METAP1: variants seen among roughly 807,000 people sequenced by gnomAD.
METAP1 encodes the protein methionine aminopeptidase 1.
Under a neutral mutation model 53.8 loss-of-function variants are expected in METAP1, and 28 were observed. The observed-to-expected ratio is 0.52, with a 90% CI of 0.39 to 0.71. The LOEUF is 0.71. METAP1 is among the 30% of genes least tolerant of loss of function. METAP1 has a pLI of 0.00. For synonymous variants in METAP1, 181 were observed against 165.7 expected (o/e 1.09, Z -0.71); for missense variants, 389 against 479.8 (o/e 0.81, Z 1.77).
chr4:99,042,389 C>G (rs1286563013), intron 6 of METAP1, among the ~76,000 whole-genome samples: 1 of 151,454 alleles, frequency 6.6e-6, no homozygotes, highest in East Asian at 1.9e-4. Context: ...TATTGTGCAA[C>G]CATTAAAAAA....
chr4:99,029,998 T>C (rs149641340), intron 2 of METAP1, among the ~76,000 whole-genome samples: 1 of 152,174 alleles, frequency 6.6e-6, no homozygotes, highest in Non-Finnish European at 1.5e-5. Context: ...ATAGGACTTG[T>C]TGATTTGTTA....
Position 98,995,777 on chromosome 4 carries a change from G to C in METAP1, c.24G>C (p.Val8=). Reference sequence around the variant, plus strand: ...GCATGGCGGCCGTGGAGACGCGGGTGTGCGAGACAGACGGCTGCAGCAGTG... The same window carrying C: ...GCATGGCGGCCGTGGAGACGCGGGTCTGCGAGACAGACGGCTGCAGCAGTG... MAAVETR[V]CETDGCSSEA... Residue 8 remains valine, a synonymous_variant, in exon 1 of 11, where the codon GTG becomes GTC. Coordinates refer to ENST00000296411, the MANE Select transcript of METAP1 (RefSeq NM_015143.3). 1 of 1,545,914 alleles carries C rather than the reference G, an allele frequency of 6.5e-7. No individual in the cohort carries two copies. Among genetic ancestry groups the C allele is most frequent in the Non-Finnish European group, 8.7e-7 (1 of 1,144,470 alleles).
At chr4:99,045,087 C>T (rs1726125035) in intron 7 of METAP1, 92 bp from the exon 8 acceptor site, 1 of 1,308,570 alleles carries the variant, frequency 7.6e-7, no homozygotes, top group Admixed American at 2.2e-5. Context: ...TTGTCTTTTT[C>T]ATTAAGTTGC....
At chr4:99,007,700 T>G (rs1723245474) in intron 1 of METAP1, among the ~76,000 whole-genome samples, 1 of 152,194 alleles carries the variant, frequency 6.6e-6, no homozygotes, top group Admixed American at 6.5e-5. Flanking sequence ...TTGTTTTCAA[T>G]TAGGAGCTTT....
At chr4:99,027,928 T>C (rs1259141564) in intron 1 of METAP1, among the ~76,000 whole-genome samples, 1 of 148,844 alleles carries the variant, frequency 6.7e-6, no homozygotes, top group Admixed American at 6.8e-5. Flanking sequence ...TTTAGTGTAA[T>C]ATGATTTGGT....
At chr4:99,007,563 T>C (rs1723238924) in intron 1 of METAP1, among the ~76,000 whole-genome samples, 1 of 145,180 alleles carries the variant, frequency 6.9e-6, no homozygotes, top group Admixed American at 6.9e-5. Context: ...ATAGCTGATC[T>C]TTTTTTTTTT....
intron 1 of METAP1, chr4:99,025,458 A>G (rs1241619878): frequency 3.0e-6 from 3 of 984,468 alleles, no homozygotes; most frequent in African/African-American, 1.7e-5. Flanking sequence ...ATAAATAAGA[A>G]TTACCTACAT....
intron 4 of METAP1, among the ~76,000 whole-genome samples, chr4:99,037,193 A>G (rs1725484866): frequency 6.6e-6 from 1 of 151,738 alleles, no homozygotes; most frequent in Admixed American, 6.6e-5. Context: ...TTGATTTATA[A>G]ATGTTCTTAG....
At chr4:99,006,109 A>G (rs1037789430) in intron 1 of METAP1, among the ~76,000 whole-genome samples, 5 of 152,182 alleles carry the variant, frequency 3.3e-5, no homozygotes, top group Non-Finnish European at 5.9e-5. Context: ...TATTTTTGCC[A>G]GTCTGGAGTT....
chr4:99,044,673 ATTC>A lies in METAP1; in HGVS notation c.656-503_656-501del, dbSNP rs551850869. On this transcript the variant is annotated intron_variant, in intron 7 of 10. Transcript: ENST00000296411. ...AATATATAGTATAATAGTAATCTAT[ATTC>A]TTAAACATGGGGACAAAGAGAAGAA... is the stretch of plus-strand genomic sequence containing the variant. Among the ~76,000 whole-genome samples the A allele has an allele frequency of 2.7e-3, 408 of 152,104 alleles. 2 individuals carry two copies. Among genetic ancestry groups the A allele is most frequent in the African/African-American group, 9.4e-3 (390 of 41,534 alleles).
chr4:99,057,507 G>C (rs181811468), intron 9 of METAP1, among the ~76,000 whole-genome samples: 1 of 151,736 alleles, frequency 6.6e-6, no homozygotes, highest in African/African-American at 2.4e-5. Flanking sequence ...CTGAAATACA[G>C]CCTACAAATA....
chr4:98,995,958 G>A, intron 1 of METAP1, 91 bp downstream of exon 1: 1 of 1,031,440 alleles, frequency 9.7e-7, no homozygotes, highest in Non-Finnish European at 1.4e-6. Flanking sequence ...GCGGCGAGTC[G>A]GGACGCGCTC....
chr4:99,058,842 G>T (rs1727332579), intron 10 of METAP1, among the ~76,000 whole-genome samples: 1 of 152,196 alleles, frequency 6.6e-6, no homozygotes, highest in African/African-American at 2.4e-5. Context: ...TGCGTTTTCT[G>T]TAAAATGAAA....
At chr4:98,998,971 C>G (rs1722787443) in intron 1 of METAP1, among the ~76,000 whole-genome samples, 2 of 152,058 alleles carry the variant, frequency 1.3e-5, no homozygotes, top group Non-Finnish European at 2.9e-5. Flanking sequence ...CCACCACGCT[C>G]AGCTAATTTT....
At chr4:99,033,368 A>G (rs576942754) in intron 2 of METAP1, among the ~76,000 whole-genome samples, 14 of 152,272 alleles carry the variant, frequency 9.2e-5, no homozygotes, top group African/African-American at 3.4e-4. Flanking sequence ...GTTTAGGCCA[A>G]TACTTGGTCT....
chr4:99,027,971 G>A (rs954530927), intron 1 of METAP1, among the ~76,000 whole-genome samples: 3 of 151,438 alleles, frequency 2.0e-5, no homozygotes, highest in African/African-American at 7.3e-5. Flanking sequence ...TTTTTTTCCC[G>A]TGCTTTTTTT....
chr4:99,034,253 G>A lies in METAP1; in HGVS notation c.190G>A (p.Val64Met). 1.3e-6 allele frequency: 2 copies of A among 1,550,324 alleles called. No individual in the cohort carries two copies. The highest frequency in any genetic ancestry group is 1.7e-6 in the Non-Finnish European group (2 of 1,145,678). ...AGAAGATGAAAAGGCGAAGCGAGAA[G>A]TGTCTTCCTGGACTGTGGAAGGTGA... ...KAKDEKAKRE[V>M]SSWTVEGDIN... The change falls in exon 3 of 11, where the codon GTG (valine) becomes ATG (methionine). Residue 64 changes from valine to methionine, a missense_variant. Val to Met is a conservative substitution (Grantham distance 21). Transcript: ENST00000296411.
intron 4 of METAP1, among the ~76,000 whole-genome samples, chr4:99,037,020 C>T (rs922101792): frequency 2.6e-5 from 4 of 151,806 alleles, no homozygotes; most frequent in Admixed American, 2.0e-4. Context: ...ATCTGAAAGA[C>T]GAAAAATGTT....
intron 1 of METAP1, among the ~76,000 whole-genome samples, chr4:99,004,395 C>G (rs75853204): frequency 4.0e-5 from 6 of 149,798 alleles, no homozygotes; most frequent in African/African-American, 1.5e-4. Flanking sequence ...AACACTATAA[C>G]GAGACTGCAA....
Sources: gnomAD v4.1 joint callset for allele counts (sites outside exome capture counted in the v4.1 genomes callset) on GRCh38, gnomAD v4.1.1 for gene constraint, MANE v1.5 for transcripts, NCBI Gene and HGNC (gene_info 2026-07-23, HGNC 2026-07-21) for gene names.